Variants in NELL1 observed in about 807,000 individuals in gnomAD.
NELL1 encodes the protein protein kinase C-binding protein NELL1.
NELL1 carries 76 observed loss-of-function variants against 107.4 expected under a neutral mutation model. That is an observed-to-expected ratio of 0.71 (90% CI 0.59 to 0.86). The LOEUF is 0.86. Among genes scored for constraint, NELL1 ranks in the 40% least tolerant of loss-of-function variants. NELL1 has a pLI of 0.00. For synonymous variants in NELL1, 353 were observed against 341.2 expected (o/e 1.03, Z -0.38); for missense variants, 1,024 against 1,005.5 (o/e 1.02, Z -0.25).
At chr11:21,154,941 G>A (rs190035028) in intron 13 of NELL1, among the ~76,000 whole-genome samples, 128 of 152,286 alleles carry the variant, frequency 8.4e-4, no homozygotes, top group Non-Finnish European at 4.0e-4. Flanking sequence ...ACAATTTATA[G>A]GACTGGGTTG....
chr11:20,982,937 TTTTCAGATATCTC>T (rs1317240494), intron 12 of NELL1, among the ~76,000 whole-genome samples: 7 of 152,212 alleles, frequency 4.6e-5, no homozygotes, highest in African/African-American at 1.7e-4. Flanking sequence ...TGGTAAATAT[TTTTCAGATATCTC>T]TTTTATTAGA....
chr11:20,946,801 C>A (rs557413235), intron 10 of NELL1, among the ~76,000 whole-genome samples: 1 of 152,252 alleles, frequency 6.6e-6, no homozygotes, highest in East Asian at 1.9e-4. Context: ...GTTTATGAGG[C>A]TTTATTCCTC....
chr11:21,099,045 T>C (rs1296559636), intron 12 of NELL1, among the ~76,000 whole-genome samples: 3 of 152,124 alleles, frequency 2.0e-5, no homozygotes, highest in South Asian at 4.1e-4. Flanking sequence ...GACCAATTCA[T>C]CTTTGTTATC....
At chr11:21,071,869 G>T (rs1374780619) in intron 12 of NELL1, among the ~76,000 whole-genome samples, 1 of 152,064 alleles carries the variant, frequency 6.6e-6, no homozygotes, top group Non-Finnish European at 1.5e-5. Flanking sequence ...AATAATGAGA[G>T]TATCTTTGAG....
chr11:21,443,902 G>A (rs970508833), intron 15 of NELL1, among the ~76,000 whole-genome samples: 2 of 151,044 alleles, frequency 1.3e-5, no homozygotes, highest in Non-Finnish European at 3.0e-5. Flanking sequence ...TTTTTTTTCT[G>A]ATTATAAAAT....
chr11:20,929,984 A>AG (rs1850584689), intron 9 of NELL1, among the ~76,000 whole-genome samples: 2 of 134,086 alleles, frequency 1.5e-5, no homozygotes, highest in Non-Finnish European at 3.2e-5. Flanking sequence ...AAAAAAAAGA[A>AG]AAAAAAAAAA....
chr11:21,198,579 TC>T (rs1341542526), intron 13 of NELL1, among the ~76,000 whole-genome samples: 1 of 152,346 alleles, frequency 6.6e-6, no homozygotes, highest in Non-Finnish European at 1.5e-5. Context: ...AGCTTAATTT[TC>T]CTTTGAAAAG....
intron 13 of NELL1, among the ~76,000 whole-genome samples, chr11:21,138,570 T>G (rs1249494765): frequency 3.9e-5 from 6 of 152,154 alleles, no homozygotes; most frequent in African/African-American, 1.4e-4. Flanking sequence ...GCTGGAAAAA[T>G]ATTTAAAAGG....
intron 13 of NELL1, among the ~76,000 whole-genome samples, chr11:21,186,311 A>G (rs1430372321): frequency 6.6e-6 from 1 of 151,804 alleles, no homozygotes; most frequent in Non-Finnish European, 1.5e-5. Context: ...GGACCTTGAC[A>G]CCTGTTAGAA....
intron 13 of NELL1, among the ~76,000 whole-genome samples, chr11:21,130,543 A>G (rs528838584): frequency 6.6e-6 from 1 of 152,292 alleles, no homozygotes; most frequent in East Asian, 1.9e-4. Context: ...CAGGGTAAAC[A>G]TGGCAACTCT....
At chr11:21,219,062 G>C (rs1420030273) in intron 13 of NELL1, among the ~76,000 whole-genome samples, 4 of 152,094 alleles carry the variant, frequency 2.6e-5, no homozygotes, top group African/African-American at 9.7e-5. Context: ...CACCCATACT[G>C]TTTTTGATAA....
At chr11:21,164,344 G>A (rs1314781392) in intron 13 of NELL1, among the ~76,000 whole-genome samples, 1 of 152,162 alleles carries the variant, frequency 6.6e-6, no homozygotes, top group Admixed American at 6.5e-5. Context: ...AGATGGCTAA[G>A]TTAGAAGAAG....
At chr11:21,105,842 C>T (rs1361481337) in intron 12 of NELL1, among the ~76,000 whole-genome samples, 1 of 1,008 alleles carries the variant, frequency 9.9e-4, no homozygotes, top group Non-Finnish European at 1.9e-3. Flanking sequence ...CCTCTCTCCC[C>T]TCCCTTCCCT....
chr11:20,745,463 A>G (rs969500667), intron 2 of NELL1, among the ~76,000 whole-genome samples: 2 of 152,168 alleles, frequency 1.3e-5, no homozygotes, highest in African/African-American at 2.4e-5. Flanking sequence ...TTCTTCCTCA[A>G]AATTGCGGGC....
intron 14 of NELL1, among the ~76,000 whole-genome samples, chr11:21,281,190 T>C (rs539752740): frequency 1.3e-4 from 20 of 151,636 alleles, no homozygotes; most frequent in Non-Finnish European, 2.1e-4. Context: ...CTGAACATCA[T>C]TTCTGGACAC....
In NELL1 at chr11:21,409,877, G is replaced by A. The variant is rs758960587; in HGVS notation, c.1645+38929G>A. Among the ~76,000 whole-genome samples, 18 of 151,846 alleles carry A rather than the reference G, an allele frequency of 1.2e-4. No homozygotes were observed. In the East Asian group the frequency reaches 2.3e-3, roughly 20 times the overall value. On this transcript the variant is annotated intron_variant, in intron 15 of 19. Transcript: ENST00000357134. Reference sequence around the variant, plus strand: ...TCTCACACACAAACATATGCATGACGATGAGAAAACAAAAAATGAAAGAAT... The same window carrying A: ...TCTCACACACAAACATATGCATGACAATGAGAAAACAAAAAATGAAAGAAT...
intron 13 of NELL1, among the ~76,000 whole-genome samples, chr11:21,141,999 G>A (rs973566679): frequency 6.6e-6 from 1 of 152,074 alleles, no homozygotes; most frequent in Non-Finnish European, 1.5e-5. Flanking sequence ...CCTGACCTCA[G>A]GTGATCCATC....
At chr11:21,259,094 G>T (rs948238741) in intron 14 of NELL1, among the ~76,000 whole-genome samples, 2 of 151,802 alleles carry the variant, frequency 1.3e-5, no homozygotes, top group Non-Finnish European at 2.9e-5. Flanking sequence ...CTATAGAAGC[G>T]GGAGGGGGGC....
intron 15 of NELL1, among the ~76,000 whole-genome samples, chr11:21,509,613 A>G (rs1855383891): frequency 6.6e-6 from 1 of 152,218 alleles, no homozygotes; most frequent in African/African-American, 2.4e-5. Context: ...ATATCATTTT[A>G]AAAGGTAAAA....
Sources: allele counts gnomAD v4.1 joint callset (sites outside exome capture counted in the v4.1 genomes callset), GRCh38; gene constraint gnomAD v4.1.1; transcripts MANE v1.5; gene names NCBI Gene and HGNC (gene_info 2026-07-23, HGNC 2026-07-21).